ERC2: variants seen among roughly 807,000 people sequenced by gnomAD.
ERC2 encodes ELKS/RAB6-interacting/CAST family member 2.
ERC2 carries 42 observed loss-of-function variants against 114.8 expected under a neutral mutation model. That is an observed-to-expected ratio of 0.37 (90% confidence interval 0.29 to 0.47). The LOEUF (loss-of-function observed/expected upper bound fraction) is 0.47, where lower values mean the gene tolerates loss of function less well. Ranked by LOEUF, ERC2 falls within the 20% of genes least tolerant of loss-of-function variation. The probability of loss-of-function intolerance (pLI) is 0.99; values close to 1 mark genes in which losing one functional copy is unlikely to be tolerated. For missense variants in ERC2, 939 were observed against 1,150.7 expected (o/e 0.82, Z 2.66); for synonymous variants, 454 against 425.5 (o/e 1.07, Z -0.82).
chr3:56,123,744 C>A (rs913504732), intron 6 of ERC2, among the ~76,000 whole-genome samples: 2 of 152,184 alleles, frequency 1.3e-5, no homozygotes, highest in African/African-American at 4.8e-5. Context: ...TTAAATACCT[C>A]CTGTGGCTCC....
chr3:55,871,296 T>C (rs1281162373), intron 14 of ERC2, among the ~76,000 whole-genome samples: 1 of 152,138 alleles, frequency 6.6e-6, no homozygotes, highest in African/African-American at 2.4e-5. Flanking sequence ...CAAGCAACCA[T>C]GAAGAAGTGA....
At chr3:56,130,521 A>G (rs909070007) in intron 6 of ERC2, among the ~76,000 whole-genome samples, 1 of 152,238 alleles carries the variant, frequency 6.6e-6, no homozygotes, top group Non-Finnish European at 1.5e-5. Context: ...AAGCAATTTT[A>G]TCCTAACAAG....
At chr3:55,869,902 G>A (rs916028088) in intron 14 of ERC2, among the ~76,000 whole-genome samples, 2 of 152,122 alleles carry the variant, frequency 1.3e-5, no homozygotes, top group African/African-American at 4.8e-5. Flanking sequence ...CTTTCACAGA[G>A]AGGCGAGAAG....
At chr3:55,714,025 T>C (rs889700349) in intron 15 of ERC2, among the ~76,000 whole-genome samples, 2 of 152,230 alleles carry the variant, frequency 1.3e-5, no homozygotes, top group African/African-American at 4.8e-5. Context: ...GATTTTATTC[T>C]CATTTCATAA....
intron 6 of ERC2, among the ~76,000 whole-genome samples, chr3:56,128,708 CCCT>C (rs1185791214): frequency 6.6e-6 from 1 of 152,190 alleles, no homozygotes; most frequent in Non-Finnish European, 1.5e-5. Flanking sequence ...TCATTTCTTT[CCCT>C]CCTTCTGGTA....
rs370308623 is a variant in ERC2 at position 55,902,683 on chromosome 3, T to C, written c.2404-14134A>G. Among the ~76,000 whole-genome samples the C allele has an allele frequency of 5.3e-5, 8 of 152,344 alleles. No individual in the cohort carries two copies. The East Asian group carries it at 5.8e-4, about 11-fold the overall frequency. On this transcript the variant is annotated intron_variant, in intron 13 of 17. Coordinates refer to ENST00000288221, the MANE Select transcript of ERC2 (RefSeq NM_015576.3). The stretch of plus-strand genomic sequence containing the variant: ...GCCTCTCTTCCAGTCATCAGCGTGC[T>C]GCTCAGCATCCTCTTTGTACCCCAG...
At chr3:55,513,292 A>T (rs896240280) in intron 17 of ERC2, among the ~76,000 whole-genome samples, 6 of 152,206 alleles carry the variant, frequency 3.9e-5, no homozygotes, top group Non-Finnish European at 7.3e-5. Flanking sequence ...GCGAGGCCCC[A>T]TCTGGCCTCT....
At chr3:56,275,730 A>G (rs767242385) in intron 3 of ERC2, among the ~76,000 whole-genome samples, 31 of 152,204 alleles carry the variant, frequency 2.0e-4, no homozygotes, top group Non-Finnish European at 3.2e-4. Flanking sequence ...GCTGGACTGC[A>G]CTTTTAGTAG....
intron 7 of ERC2, among the ~76,000 whole-genome samples, chr3:56,026,140 C>T (rs2074038482): frequency 6.7e-6 from 1 of 148,658 alleles, no homozygotes; most frequent in South Asian, 2.1e-4. Flanking sequence ...ATCTCGGCCT[C>T]CCGGGTTCAA....
At chr3:55,927,697 CCTAT>C (rs1018728035) in intron 13 of ERC2, among the ~76,000 whole-genome samples, 3 of 152,074 alleles carry the variant, frequency 2.0e-5, no homozygotes, top group African/African-American at 7.2e-5. Flanking sequence ...TCTTATTCAT[CCTAT>C]CTAACTATAT....
intron 7 of ERC2, among the ~76,000 whole-genome samples, chr3:56,020,174 T>G (rs2073607083): frequency 6.6e-6 from 1 of 152,190 alleles, no homozygotes; most frequent in Non-Finnish European, 1.5e-5. Flanking sequence ...ACAATGGCTC[T>G]GCTGACCTTC....
At chr3:56,200,348 G>GA (rs5849133) in intron 3 of ERC2, among the ~76,000 whole-genome samples, 84,742 of 141,230 alleles carry the variant, frequency 0.6, 25,180 homozygotes, top group East Asian at 0.77. Flanking sequence ...ATACTCAGGG[G>GA]AAAAAAAAAA....
At chr3:56,468,024 TC>T (rs1185792597) in intron 1 of ERC2, among the ~76,000 whole-genome samples, 20 of 151,938 alleles carry the variant, frequency 1.3e-4, no homozygotes, top group Non-Finnish European at 1.9e-4. Context: ...CTTGTTCCAA[TC>T]CGGGGGTTTA....
intron 15 of ERC2, among the ~76,000 whole-genome samples, chr3:55,732,776 A>G (rs546745599): frequency 2.6e-5 from 4 of 152,244 alleles, no homozygotes; most frequent in Non-Finnish European, 5.9e-5. Flanking sequence ...AGCTGACCCT[A>G]TCAGGTGGCC....
In ERC2 at chr3:55,866,428, C is replaced by G. The variant is rs190229405; in HGVS notation, c.2564+21961G>C. Among the ~76,000 whole-genome samples the G allele has an allele frequency of 1.9e-3, 282 of 152,214 alleles. 5 individuals are homozygous for G. The highest frequency in any genetic ancestry group is 0.014 in the Middle Eastern group (4 of 294). On this transcript the variant is annotated intron_variant, in intron 14 of 17. Transcript: ENST00000288221. Reference sequence around the variant, plus strand: ...TCTCCCACATTGTAGTTTGTCTCTTCTTGATAGTATCGTTTGTAGCACAAA... The same window carrying G: ...TCTCCCACATTGTAGTTTGTCTCTTGTTGATAGTATCGTTTGTAGCACAAA...
At chr3:56,291,723 A>C (rs2055097951) in intron 3 of ERC2, among the ~76,000 whole-genome samples, 1 of 152,128 alleles carries the variant, frequency 6.6e-6, no homozygotes, top group African/African-American at 2.4e-5. Context: ...ATCTTGTTTT[A>C]GATTCATCTA....
At chr3:55,784,017 G>T (rs1210710519) in intron 14 of ERC2, among the ~76,000 whole-genome samples, 1 of 152,076 alleles carries the variant, frequency 6.6e-6, no homozygotes, top group Non-Finnish European at 1.5e-5. Flanking sequence ...CCTTAAACTA[G>T]GACATTTTCA....
rs544909654 is a variant in ERC2 at position 55,600,512 on chromosome 3, C to T, written c.*39+83282G>A. Among the ~76,000 whole-genome samples the T allele has an allele frequency of 7.2e-5, 11 of 152,326 alleles. No individual in the cohort carries two copies. The South Asian group carries it at 1.2e-3, about 17-fold the overall frequency. ...ACATTCACGTCTGCCATCTTCTCCC[C>T]ACCACTCAAGTCCCATTTTTTGTTG... On this transcript the variant is annotated intron_variant, in intron 17 of 17. Transcript: ENST00000288221.
At chr3:55,727,393 G>A (rs1378973746) in intron 15 of ERC2, among the ~76,000 whole-genome samples, 2 of 152,074 alleles carry the variant, frequency 1.3e-5, no homozygotes, top group Non-Finnish European at 2.9e-5. Context: ...AAACAGAAGT[G>A]AAAGGAATAC....
Sources: gnomAD v4.1 joint callset for allele counts (sites outside exome capture counted in the v4.1 genomes callset) on GRCh38, gnomAD v4.1.1 for gene constraint, MANE v1.5 for transcripts, NCBI Gene and HGNC (gene_info 2026-07-23, HGNC 2026-07-21) for gene names.